LRP1B: variants seen among roughly 807,000 people sequenced by gnomAD.
The protein encoded by LRP1B is LDL receptor related protein 1B.
LRP1B carries 217 observed loss-of-function variants against 556.6 expected under a neutral mutation model. That is an observed-to-expected ratio of 0.39 (90% CI 0.35 to 0.44). LRP1B has a LOEUF of 0.44. LRP1B is among the 20% of genes least tolerant of loss of function. The probability of loss-of-function intolerance (pLI) is 1.00; values close to 1 mark genes in which losing one functional copy is unlikely to be tolerated. For missense variants in LRP1B, 5,053 were observed against 5,620.8 expected (o/e 0.90, Z 3.23); for synonymous variants, 2,047 against 1,865.8 (o/e 1.10, Z -2.50).
rs530291845 is a variant in LRP1B, at chr2:141,116,362, T to C, written c.1014-54089A>G. Reference sequence around the variant, plus strand: ...AAAGCAAATACTCAGTGTTGTTTTTTGTTCTTTTAAAAATCGTTTCTGATA... The same window carrying C: ...AAAGCAAATACTCAGTGTTGTTTTTCGTTCTTTTAAAAATCGTTTCTGATA... On this transcript the variant is annotated intron_variant, in intron 7 of 90. Coordinates refer to ENST00000389484, the MANE Select transcript of LRP1B (RefSeq NM_018557.3). Among the ~76,000 whole-genome samples the C allele has an allele frequency of 1.3e-3, 201 of 152,316 alleles. 3 individuals are homozygous for C. The highest frequency in any genetic ancestry group is 4.7e-3 in the African/African-American group (195 of 41,586).
chr2:141,540,832 A>T (rs1685232725), intron 2 of LRP1B, among the ~76,000 whole-genome samples: 1 of 152,078 alleles, frequency 6.6e-6, no homozygotes. Flanking sequence ...ATAAACTGCC[A>T]GTACTACTCT....
At chr2:141,047,968 A>T (rs755227385) in intron 11 of LRP1B, among the ~76,000 whole-genome samples, 1 of 152,104 alleles carries the variant, frequency 6.6e-6, no homozygotes, top group South Asian at 2.1e-4. Context: ...GGCATTCTCT[A>T]TTAATCATAT....
intron 7 of LRP1B, among the ~76,000 whole-genome samples, chr2:141,075,430 T>C (rs1699761357): frequency 6.6e-6 from 1 of 152,204 alleles, no homozygotes; most frequent in African/African-American, 2.4e-5. Context: ...CAAGGTGTCA[T>C]TCCATTTAAT....
chr2:141,644,729 T>TCACACACA (rs3039268), intron 2 of LRP1B, among the ~76,000 whole-genome samples: 6,195 of 141,530 alleles, frequency 0.044, 223 homozygotes, highest in South Asian at 0.1. Context: ...CAGTCATTGA[T>TCACACACA]CACACACACA....
chr2:142,083,613 T>G (rs1265001937), intron 1 of LRP1B, among the ~76,000 whole-genome samples: 2 of 152,218 alleles, frequency 1.3e-5, no homozygotes, highest in African/African-American at 2.4e-5. Flanking sequence ...ATAGTATATA[T>G]TTAGTTCTTC....
At chr2:140,609,203 T>C (rs1445012468) in intron 41 of LRP1B, among the ~76,000 whole-genome samples, 1 of 152,158 alleles carries the variant, frequency 6.6e-6, no homozygotes, top group Admixed American at 6.5e-5. Context: ...TGTGAGACCC[T>C]ATATGTACAG....
intron 41 of LRP1B, among the ~76,000 whole-genome samples, chr2:140,698,483 A>T (rs1329241575): frequency 6.6e-6 from 1 of 151,972 alleles, no homozygotes; most frequent in Non-Finnish European, 1.5e-5. Context: ...AAGAAATAAT[A>T]ACAAGAAATC....
intron 57 of LRP1B, among the ~76,000 whole-genome samples, chr2:140,492,376 T>C (rs1688738037): frequency 6.6e-6 from 1 of 152,204 alleles, no homozygotes; most frequent in Non-Finnish European, 1.5e-5. Flanking sequence ...ACCTTAATTT[T>C]GGCACACTTG....
chr2:140,940,926 G>T (rs1172000182), intron 20 of LRP1B, among the ~76,000 whole-genome samples: 1 of 152,120 alleles, frequency 6.6e-6, no homozygotes, highest in Non-Finnish European at 1.5e-5. Context: ...AGCCTTGCTA[G>T]CATCTGTTTC....
intron 79 of LRP1B, among the ~76,000 whole-genome samples, chr2:140,332,647 C>T (rs10195473): frequency 0.3 from 45,095 of 151,882 alleles, 6,881 homozygotes; most frequent in Admixed American, 0.41. Flanking sequence ...AGCAGATCCC[C>T]TTGCCTGTCA....
chr2:140,755,629 C>T (rs1342149120), intron 35 of LRP1B, among the ~76,000 whole-genome samples: 6 of 152,064 alleles, frequency 3.9e-5, no homozygotes, highest in Non-Finnish European at 7.4e-5. Flanking sequence ...TACACTCCTT[C>T]ATGATAAGAA....
At chr2:140,939,908 CAG>C (rs1395820629) in intron 20 of LRP1B, among the ~76,000 whole-genome samples, 1 of 112,980 alleles carries the variant, frequency 8.9e-6, no homozygotes, top group African/African-American at 3.4e-5. Flanking sequence ...TTTTTTGAGA[CAG>C]TGTCTCAATC....
At position 141,119,348 on chromosome 2, in the gene LRP1B, C is replaced by T. The variant is rs117073826; in HGVS notation, c.1014-57075G>A. On this transcript the variant is annotated intron_variant, in intron 7 of 90. Coordinates refer to ENST00000389484, the MANE Select transcript of LRP1B (RefSeq NM_018557.3). ...CTGTATAACATTTTCCCTCTACAGA[C>T]TCTCCAAATTTTATTTAGGGGTCTC... is the stretch of plus-strand genomic sequence containing the variant. 1.6e-4 allele frequency among the ~76,000 whole-genome samples: 25 copies of T among 152,012 alleles called. No individual in the cohort carries two copies. In the East Asian group the frequency reaches 4.5e-3, roughly 27 times the overall value.
chr2:140,875,239 A>C (rs926120838), intron 25 of LRP1B, among the ~76,000 whole-genome samples: 1 of 152,172 alleles, frequency 6.6e-6, no homozygotes, highest in Non-Finnish European at 1.5e-5. Flanking sequence ...GAGATAAAGT[A>C]AGTCCAGTTT....
intron 2 of LRP1B, among the ~76,000 whole-genome samples, chr2:141,739,126 A>G (rs1034246615): frequency 4.6e-5 from 7 of 152,096 alleles, no homozygotes; most frequent in African/African-American, 1.7e-4. Flanking sequence ...GAAAATAAAA[A>G]CCTTAGGGGA....
At chr2:140,467,334 T>C (rs1687586231) in intron 60 of LRP1B, among the ~76,000 whole-genome samples, 1 of 152,040 alleles carries the variant, frequency 6.6e-6, no homozygotes, top group Non-Finnish European at 1.5e-5. Flanking sequence ...CCTGGTGCAG[T>C]GGCTCATGCC....
intron 79 of LRP1B, among the ~76,000 whole-genome samples, chr2:140,328,262 C>T (rs894411601): frequency 1.3e-4 from 19 of 151,770 alleles, no homozygotes; most frequent in Non-Finnish European, 2.4e-4. Flanking sequence ...AATAGAATCA[C>T]AATTTGAACA....
chr2:141,030,574 A>G (rs1242791082), intron 11 of LRP1B, among the ~76,000 whole-genome samples: 1 of 152,106 alleles, frequency 6.6e-6, no homozygotes, highest in Non-Finnish European at 1.5e-5. Context: ...AAAAGTGTCA[A>G]TGCTGGGGAT....
rs764934762 is a variant in LRP1B, at chr2:141,049,121, T to A, written c.1654A>T (p.Ile552Leu). ...GCACGAGGGTTTACCAGATTTTCTA[T>A]GGGGATCATGTATTCATCAGCTATC... ...TKIADEYMIP[I>L]ENLVNPRALD... The change falls in exon 11 of 91, where the codon ATA becomes TTA. Residue 552 changes from isoleucine to leucine, a missense_variant. By Grantham distance (5) the Ile-to-Leu change is conservative. Transcript: ENST00000389484. 1.2e-6 allele frequency: 2 copies of A among 1,613,568 alleles called. No homozygotes were observed. The highest frequency in any genetic ancestry group is 4.5e-5 in the East Asian group (2 of 44,822).
Sources: allele counts gnomAD v4.1 joint callset (sites outside exome capture counted in the v4.1 genomes callset), GRCh38; gene constraint gnomAD v4.1.1; transcripts MANE v1.5; gene names NCBI Gene and HGNC (gene_info 2026-07-23, HGNC 2026-07-21).